The following TAF4B variants were observed in gnomAD, a reference collection of about 807,000 sequenced individuals.
TAF4B encodes the protein transcription initiation factor TFIID subunit 4B.
Under a neutral mutation model 86.4 loss-of-function variants are expected in TAF4B, and 38 were observed. The ratio of observed to expected loss-of-function variants is 0.44; its 90% CI spans 0.34 to 0.58. The LOEUF (loss-of-function observed/expected upper bound fraction) is 0.58, where lower values mean the gene tolerates loss of function less well. Ranked by LOEUF, TAF4B falls within the 20% of genes least tolerant of loss-of-function variation. TAF4B has a pLI of 0.02. For missense variants in TAF4B, 988 were observed against 1,027.6 expected (o/e 0.96, Z 0.53); for synonymous variants, 388 against 391.2 (o/e 0.99, Z 0.10).
At chr18:26,280,951 A>G (rs1014655414) in intron 5 of TAF4B, among the ~76,000 whole-genome samples, 1 of 152,204 alleles carries the variant, frequency 6.6e-6, no homozygotes, top group Non-Finnish European at 1.5e-5. Context: ...CATATACACC[A>G]TGGAATACTA....
At chr18:26,283,061 C>G (rs61048090) in intron 6 of TAF4B, among the ~76,000 whole-genome samples, 1,579 of 152,290 alleles carry the variant, frequency 0.01, 22 homozygotes, top group African/African-American at 0.036. Flanking sequence ...CTGAACCCCT[C>G]ATAGTCATCC....
At chr18:26,258,456 T>C (rs1164887997) in intron 1 of TAF4B, among the ~76,000 whole-genome samples, 2 of 152,194 alleles carry the variant, frequency 1.3e-5, no homozygotes, top group Non-Finnish European at 2.9e-5. Flanking sequence ...TTCCTGTATG[T>C]TAAATTTCCA....
intron 9 of TAF4B, among the ~76,000 whole-genome samples, chr18:26,312,417 T>G (rs565419051): frequency 1.2e-4 from 19 of 152,286 alleles, no homozygotes; most frequent in African/African-American, 4.6e-4. Context: ...CCACCATCTG[T>G]AACCATGGTA....
chr18:26,386,487 C>T (rs1978374319), intron 14 of TAF4B, among the ~76,000 whole-genome samples: 1 of 152,136 alleles, frequency 6.6e-6, no homozygotes, highest in South Asian at 2.1e-4. Flanking sequence ...ACAGTTTTCA[C>T]AGCATGAACA....
At chr18:26,227,837 A>G (rs2144407856) in intron 1 of TAF4B, among the ~76,000 whole-genome samples, 1 of 152,338 alleles carries the variant, frequency 6.6e-6, no homozygotes, top group Admixed American at 6.5e-5. Flanking sequence ...GTTCTTGTGT[A>G]TTACAACTGA....
intron 13 of TAF4B, among the ~76,000 whole-genome samples, chr18:26,340,409 T>C (rs1568161839): frequency 6.6e-6 from 1 of 152,176 alleles, no homozygotes; most frequent in Non-Finnish European, 1.5e-5. Context: ...CAAATGAAAC[T>C]TGTCATGAAA....
intron 1 of TAF4B, among the ~76,000 whole-genome samples, chr18:26,259,504 A>G (rs571199381): frequency 2.5e-4 from 38 of 151,808 alleles, no homozygotes; most frequent in South Asian, 1.3e-3. Flanking sequence ...TCATTGTTCA[A>G]TTCCCACCTA....
chr18:26,231,915 C>T (rs1018078035), intron 1 of TAF4B, among the ~76,000 whole-genome samples: 1 of 152,106 alleles, frequency 6.6e-6, no homozygotes, highest in Non-Finnish European at 1.5e-5. Context: ...GCCCCTCCCA[C>T]GTTCTGTTTC....
chr18:26,261,439 A>G (rs2056166046), intron 1 of TAF4B, among the ~76,000 whole-genome samples: 4 of 152,014 alleles, frequency 2.6e-5, no homozygotes, highest in Admixed American at 6.6e-5. Flanking sequence ...TGACCTTGTG[A>G]TCCGCCCGCC....
At position 26,357,988 on chromosome 18, in the gene TAF4B, C is replaced by T. The variant is rs546045842; in HGVS notation, c.2421+194C>T. Among the ~76,000 whole-genome samples, 7 of 152,292 alleles carry T rather than the reference C, an allele frequency of 4.6e-5. No homozygotes were observed. The South Asian group carries it at 1.0e-3, about 23-fold the overall frequency. ...GATGTTTATCACCTTGAACTTGTTA[C>T]TTATTTCATACTACTTGTTACTTAT... On this transcript the variant is annotated intron_variant, in intron 14 of 14. Transcript: ENST00000269142.
chr18:26,285,810 G>T, intron 6 of TAF4B, 72 bp from the exon 7 acceptor site: 1 of 1,529,322 alleles, frequency 6.5e-7, no homozygotes, highest in Non-Finnish European at 8.8e-7. Flanking sequence ...GTAAAGGTAT[G>T]AAATACCACA....
chr18:26,384,467 G>A (rs942128044), intron 14 of TAF4B, among the ~76,000 whole-genome samples: 1 of 152,186 alleles, frequency 6.6e-6, no homozygotes, highest in Admixed American at 6.5e-5. Context: ...GTCTGAAATG[G>A]CCATCAGTCT....
intron 5 of TAF4B, among the ~76,000 whole-genome samples, chr18:26,277,106 G>C (rs192760854): frequency 2.0e-5 from 3 of 151,284 alleles, no homozygotes; most frequent in African/African-American, 7.2e-5. Flanking sequence ...TTTTGAGATA[G>C]GGTCTTAACT....
At chr18:26,346,771 A>ATGTG (rs2057185752) in intron 13 of TAF4B, among the ~76,000 whole-genome samples, 1 of 21,444 alleles carries the variant, frequency 4.7e-5, no homozygotes, top group Non-Finnish European at 1.3e-4. Context: ...ATATATATAT[A>ATGTG]TATGTGTGTG....
intron 9 of TAF4B, among the ~76,000 whole-genome samples, chr18:26,300,130 C>T (rs1002387726): frequency 6.6e-6 from 1 of 151,872 alleles, no homozygotes; most frequent in Non-Finnish European, 1.5e-5. Context: ...TACAGGTGCG[C>T]ATCACCATGC....
intron 9 of TAF4B, chr18:26,295,232 C>T (rs1278516991): frequency 1.7e-5 from 7 of 406,228 alleles, no homozygotes; most frequent in African/African-American, 8.3e-5. Context: ...TGTTCACCAT[C>T]GGTCTTTTTT....
intron 14 of TAF4B, among the ~76,000 whole-genome samples, chr18:26,359,342 T>C (rs568636735): frequency 6.6e-6 from 1 of 152,336 alleles, no homozygotes; most frequent in South Asian, 2.1e-4. Flanking sequence ...GTTGTGTGCT[T>C]GTACAATGTA....
chr18:26,370,516 A>G (rs1433333684), intron 14 of TAF4B, among the ~76,000 whole-genome samples: 1 of 152,062 alleles, frequency 6.6e-6, no homozygotes, highest in Non-Finnish European at 1.5e-5. Context: ...ACCTGTATTG[A>G]CTTCCCTTAA....
intron 5 of TAF4B, among the ~76,000 whole-genome samples, chr18:26,279,867 C>A (rs1483798361): frequency 2.0e-5 from 3 of 152,040 alleles, no homozygotes; most frequent in Non-Finnish European, 4.4e-5. Flanking sequence ...CATGGCGAAA[C>A]CCCATCTCTA....
Sources: gnomAD v4.1 joint callset for allele counts (sites outside exome capture counted in the v4.1 genomes callset) on GRCh38, gnomAD v4.1.1 for gene constraint, MANE v1.5 for transcripts, NCBI Gene and HGNC (gene_info 2026-07-23, HGNC 2026-07-21) for gene names.